The following MACROD1 variants were observed in gnomAD, a reference collection of about 807,000 sequenced individuals.
MACROD1 encodes the protein mono-ADP ribosylhydrolase 1.
MACROD1 carries 31 observed loss-of-function variants against 41.4 expected under a neutral mutation model. That is an observed-to-expected ratio of 0.75 (90% CI 0.56 to 1.01). MACROD1 has a LOEUF of 1.01. Among genes scored for constraint, MACROD1 ranks in the 50% least tolerant of loss-of-function variants. The pLI, the probability that MACROD1 is intolerant of heterozygous loss-of-function variation, is 0.00. For missense variants in MACROD1, 473 were observed against 460.0 expected (o/e 1.03, Z -0.26); for synonymous variants, 252 against 203.4 (o/e 1.24, Z -2.03).
At chr11:64,069,852 T>A (rs1944074815) in intron 3 of MACROD1, among the ~76,000 whole-genome samples, 2 of 152,114 alleles carry the variant, frequency 1.3e-5, no homozygotes, top group African/African-American at 4.8e-5. Context: ...AGCAAATGGT[T>A]CAGAGAGAAA....
intron 3 of MACROD1, among the ~76,000 whole-genome samples, chr11:64,121,967 C>T (rs1945105648): frequency 1.5e-5 from 2 of 137,132 alleles, no homozygotes; most frequent in Admixed American, 1.4e-4. Flanking sequence ...TTTAAATCTC[C>T]CCTAAAAAAA....
In MACROD1 at chr11:64,082,150, G is replaced by A. The variant is rs1288100840; in HGVS notation, c.518-66869C>T. 6.6e-6 allele frequency: 1 copy of A among 152,252 alleles called. No homozygotes were observed. Among genetic ancestry groups the A allele is most frequent in the East Asian group, 1.9e-4 (1 of 5,174 alleles). 9.4% of individuals were successfully genotyped at this position (152,252 alleles called of 1,614,324 possible). A position where few individuals can be genotyped will look rare whatever the true frequency, so the allele number is the denominator to read the frequency against. On this transcript the variant is annotated intron_variant, in intron 3 of 10. Transcript: ENST00000255681. The surrounding 1 kb of genome is among the most constrained non-coding windows in gnomAD (Gnocchi z 4.5). ...CTGTGGCTGCGCCTGGAGCCTCCCG[G>A]GAGGGAGGCCAGAGCCAGGAGCAGG...
intron 3 of MACROD1, among the ~76,000 whole-genome samples, chr11:64,137,142 C>T (rs1945344601): frequency 6.6e-6 from 1 of 152,204 alleles, no homozygotes; most frequent in Admixed American, 6.5e-5. Context: ...CAGGGGCAAC[C>T]CTTATTAGTC....
chr11:64,156,233 A>G (rs1945665939), intron 1 of MACROD1, among the ~76,000 whole-genome samples: 1 of 152,042 alleles, frequency 6.6e-6, no homozygotes. Flanking sequence ...GTGAGCTGTG[A>G]TTGTGCCACT....
At chr11:64,145,865 G>A (rs999445518) in intron 3 of MACROD1, among the ~76,000 whole-genome samples, 6 of 152,072 alleles carry the variant, frequency 3.9e-5, no homozygotes, top group Non-Finnish European at 7.4e-5. Context: ...CACCTCCCAG[G>A]TTCAAGCAAT....
chr11:64,128,489 A>G (rs1945218520), intron 3 of MACROD1, among the ~76,000 whole-genome samples: 1 of 152,080 alleles, frequency 6.6e-6, no homozygotes, highest in Admixed American at 6.5e-5. Flanking sequence ...AGATTTCCAC[A>G]GAGGACGCTT....
chr11:64,099,189 A>G (rs750803777), intron 3 of MACROD1, among the ~76,000 whole-genome samples: 3 of 152,250 alleles, frequency 2.0e-5, no homozygotes, highest in Non-Finnish European at 4.4e-5. Flanking sequence ...ACCACAGCAC[A>G]GCGTCATCTT....
chr11:64,057,666 T>G (rs1055558006), intron 3 of MACROD1, among the ~76,000 whole-genome samples: 3 of 152,178 alleles, frequency 2.0e-5, no homozygotes, highest in African/African-American at 7.2e-5. Flanking sequence ...GGCTACAGGG[T>G]CCCCAGGGTG....
At chr11:64,000,647 G>A (rs1276025177) in intron 4 of MACROD1, among the ~76,000 whole-genome samples, 2 of 152,062 alleles carry the variant, frequency 1.3e-5, no homozygotes, top group Non-Finnish European at 2.9e-5. Flanking sequence ...AGGCAGGGCG[G>A]CTCCGGGAGG....
intron 3 of MACROD1, among the ~76,000 whole-genome samples, chr11:64,020,560 C>T (rs1285888710): frequency 6.6e-6 from 1 of 152,078 alleles, no homozygotes; most frequent in Admixed American, 6.6e-5. Flanking sequence ...AAACTTGCCC[C>T]ATGCTCTCCA....
At chr11:64,126,289 G>A (rs757673305) in intron 3 of MACROD1, among the ~76,000 whole-genome samples, 6 of 152,186 alleles carry the variant, frequency 3.9e-5, no homozygotes, top group Non-Finnish European at 5.9e-5. Context: ...GAGCCATGGG[G>A]AGGAAGCCAC....
chr11:64,104,623 G>T (rs1944726346), intron 3 of MACROD1, among the ~76,000 whole-genome samples: 1 of 152,040 alleles, frequency 6.6e-6, no homozygotes, highest in Admixed American at 6.5e-5. Context: ...GAACGAGAGG[G>T]AGTCCACAAG....
Position 64,165,952 on chromosome 11 carries a change from G to A in MACROD1, c.43C>T (p.Arg15Cys), listed in dbSNP as rs2134746707. 3 of 1,307,110 alleles carry A rather than the reference G, an allele frequency of 2.3e-6. No homozygotes were observed. The highest frequency in any genetic ancestry group is 4.2e-5 in the Admixed American group (1 of 23,992). 81.0% of individuals were successfully genotyped at this position (1,307,110 alleles called of 1,614,324 possible). A position where few individuals can be genotyped will look rare whatever the true frequency, so the allele number is the denominator to read the frequency against. ...GGGACGAGCAGCTGCCCCGCCGCGC[G>A]CAGCTGTGCCAGGCGGCCGGACAGT... ...SRLSGRLAQL[R>C]AAGQLLVPPR... is the part of the protein sequence containing the mutation. The change falls in exon 1 of 11, where the codon CGC (arginine) becomes TGC (cysteine). Residue 15 changes from arginine to cysteine, a missense_variant. Physicochemically the swap from Arg to Cys is radical, Grantham distance 180 (BLOSUM62 -3). Coordinates refer to ENST00000255681, the MANE Select transcript of MACROD1 (RefSeq NM_014067.4).
At chr11:64,009,827 C>T (rs903440280) in intron 4 of MACROD1, among the ~76,000 whole-genome samples, 2 of 152,248 alleles carry the variant, frequency 1.3e-5, no homozygotes, top group African/African-American at 4.8e-5. Flanking sequence ...AATCACCGCA[C>T]ATTTGCCGTA....
At chr11:64,126,958 G>GA (rs1359088001) in intron 3 of MACROD1, 1 of 152,248 alleles carries the variant, frequency 6.6e-6, no homozygotes, top group African/African-American at 2.4e-5. Flanking sequence ...ACCGCCTGCT[G>GA]CCATGCGACC....
At chr11:64,039,763 C>T (rs1943451028) in intron 3 of MACROD1, among the ~76,000 whole-genome samples, 1 of 152,254 alleles carries the variant, frequency 6.6e-6, no homozygotes, top group Admixed American at 6.5e-5. Flanking sequence ...GCCAGCGGCT[C>T]TGCAGATGAT....
chr11:64,054,691 A>G (rs377045091), intron 3 of MACROD1, among the ~76,000 whole-genome samples: 7 of 152,026 alleles, frequency 4.6e-5, no homozygotes, highest in African/African-American at 1.7e-4. Context: ...TTTGAAGAAG[A>G]CATTCCCCTC....
rs575387241 is a variant in MACROD1, at chr11:64,044,983, G to C, written c.518-29702C>G. On this transcript the variant is annotated intron_variant, in intron 3 of 10. Coordinates refer to ENST00000255681, the MANE Select transcript of MACROD1 (RefSeq NM_014067.4). ...GAATCAGGGAAGGCCTCATAGGGTAGGTGTCATTTGCACTTTGGAGCCAGG... is the reference window on the plus strand; with the variant it reads ...GAATCAGGGAAGGCCTCATAGGGTACGTGTCATTTGCACTTTGGAGCCAGG... Among the ~76,000 whole-genome samples the C allele has an allele frequency of 1.7e-3, 253 of 152,340 alleles. 1 individual carries two copies. Among genetic ancestry groups the C allele is most frequent in the Middle Eastern group, 0.01 (3 of 294 alleles).
At chr11:64,061,070 C>T (rs1943893895) in intron 3 of MACROD1, among the ~76,000 whole-genome samples, 1 of 152,164 alleles carries the variant, frequency 6.6e-6, no homozygotes, top group Non-Finnish European at 1.5e-5. Flanking sequence ...TGGCGTCCCC[C>T]CCACTCCCAA....
Sources: gnomAD v4.1 joint callset for allele counts (sites outside exome capture counted in the v4.1 genomes callset) on GRCh38, gnomAD v4.1.1 for gene constraint, Gnocchi (gnomAD v3.1) non-coding constraint, MANE v1.5 for transcripts, NCBI Gene and HGNC (gene_info 2026-07-23, HGNC 2026-07-21) for gene names.